The following ABCD2 variants were observed in gnomAD, a reference collection of about 807,000 sequenced individuals.
ABCD2 encodes ATP-binding cassette sub-family D member 2.
Under a neutral mutation model 70.9 loss-of-function variants are expected in ABCD2, and 36 were observed. The ratio of observed to expected loss-of-function variants is 0.51; its 90% CI spans 0.39 to 0.67. ABCD2 has a LOEUF of 0.67. Among genes scored for constraint, ABCD2 ranks in the 30% least tolerant of loss-of-function variants. ABCD2 has a pLI of 0.00. For synonymous variants in ABCD2, 304 were observed against 306.9 expected (o/e 0.99, Z 0.10); for missense variants, 729 against 890.2 (o/e 0.82, Z 2.30).
At chr12:39,570,302 A>G (rs567270626) in intron 9 of ABCD2, among the ~76,000 whole-genome samples, 1 of 152,366 alleles carries the variant, frequency 6.6e-6, no homozygotes, top group Admixed American at 6.5e-5. Context: ...TAAAGTACAA[A>G]GCTGGAGCCA....
rs1179134444 is a variant in ABCD2 at position 39,600,678 on chromosome 12, A to G, written c.1539T>C (p.Asn513=). ...TGAAGAGAGAACTTTTCCCACAACC[A>G]TTGGGACCAGTTATCAAAAGATGCA... ...EGMHLLITGP[N]GCGKSSLFRI... is the part of the protein sequence containing the mutation. The change falls in exon 6 of 10, where the codon AAT becomes AAC. Residue 513 remains asparagine (N), a synonymous_variant. Transcript: ENST00000308666. 1.2e-5 allele frequency: 20 copies of G among 1,612,054 alleles called. No homozygotes were observed. Among genetic ancestry groups the G allele is most frequent in the Non-Finnish European group, 1.6e-5 (19 of 1,179,056 alleles).
At chr12:39,557,251 C>A (rs11543371) in intron 9 of ABCD2, among the ~76,000 whole-genome samples, 1 of 152,060 alleles carries the variant, frequency 6.6e-6, no homozygotes, top group African/African-American at 2.4e-5. Flanking sequence ...AGACTGGTGG[C>A]ATTTTGCCCC....
At chr12:39,576,152 T>G (rs1390772260) in intron 8 of ABCD2, among the ~76,000 whole-genome samples, 2 of 151,878 alleles carry the variant, frequency 1.3e-5, no homozygotes, top group African/African-American at 2.4e-5. Flanking sequence ...CTGTAAAGTT[T>G]TTGTTGTTGT....
the ABCD2 span, among the ~76,000 whole-genome samples, chr12:39,540,251 A>G: frequency 6.6e-6 from 1 of 152,200 alleles, no homozygotes. Context: ...TAATTCATTC[A>G]TTCTGAGGAC....
chr12:39,586,087 T>C (rs769313486), intron 7 of ABCD2, 65 bp downstream of exon 7: 1 of 1,449,344 alleles, frequency 6.9e-7, no homozygotes, highest in Non-Finnish European at 9.4e-7. Context: ...ACAGACTAAA[T>C]ATATACCCAA....
chr12:39,607,660 G>T lies in ABCD2; in HGVS notation c.1175C>A (p.Ala392Asp). The T allele has an allele frequency of 6.2e-7, 1 of 1,613,242 alleles. No individual in the cohort carries two copies. Among genetic ancestry groups the T allele is most frequent in the Non-Finnish European group, 8.5e-7 (1 of 1,179,812 alleles). Reference sequence around the variant, plus strand: ...AGCTCCAGAGGCCAGTAAATTTCGAGCAGTGGTAAAGGCTTCTGTCCGTTC... The same window carrying T: ...AGCTCCAGAGGCCAGTAAATTTCGATCAGTGGTAAAGGCTTCTGTCCGTTC... The part of the protein sequence containing the change: ...VSERTEAFTT[A>D]RNLLASGADA... Residue 392 changes from alanine (A) to aspartate (D), a missense_variant, in exon 3 of 10, where the codon GCT becomes GAT. Physicochemically the swap from Ala to Asp is moderately radical, Grantham distance 126. Transcript: ENST00000308666.
At chr12:39,589,577 C>T (rs1352388198) in intron 6 of ABCD2, among the ~76,000 whole-genome samples, 1 of 151,724 alleles carries the variant, frequency 6.6e-6, no homozygotes, top group African/African-American at 2.4e-5. Flanking sequence ...TTAGTAGAGA[C>T]GGGGTTTTAC....
the ABCD2 span, among the ~76,000 whole-genome samples, chr12:39,538,167 C>CTTTTTTTT: frequency 7.0e-6 from 1 of 142,822 alleles, no homozygotes; most frequent in African/African-American, 2.7e-5. Context: ...CATTTTCTTT[C>CTTTTTTTT]TTTCTTTTTT....
chr12:39,601,166 C>T (rs886321300), intron 5 of ABCD2, among the ~76,000 whole-genome samples: 1 of 152,130 alleles, frequency 6.6e-6, no homozygotes, highest in South Asian at 2.1e-4. Flanking sequence ...AAGGAGTCAG[C>T]TGGGCTGTTT....
intron 5 of ABCD2, 115 bp from the exon 6 acceptor site, chr12:39,600,831 C>A: frequency 2.2e-6 from 2 of 910,296 alleles, no homozygotes; most frequent in South Asian, 3.8e-5. Flanking sequence ...CTAGGTTGGG[C>A]AAAAGATCAA....
chr12:39,569,248 G>A (rs1941409041), intron 9 of ABCD2, among the ~76,000 whole-genome samples: 1 of 152,194 alleles, frequency 6.6e-6, no homozygotes, highest in African/African-American at 2.4e-5. Flanking sequence ...ATCCAAGCAG[G>A]CCTCCTTGAG....
At chr12:39,562,929 A>G (rs1253288117) in intron 9 of ABCD2, among the ~76,000 whole-genome samples, 1 of 152,198 alleles carries the variant, frequency 6.6e-6, no homozygotes, top group Non-Finnish European at 1.5e-5. Context: ...ATACCAGCAA[A>G]CTGAATTCAA....
chr12:39,554,085 G>T lies in ABCD2; in HGVS notation c.2050C>A (p.Arg684Ser), dbSNP rs748340230. ...ATAGCAGTATCCAATTGTTCAAAGC[G>T]CCAACCTCCTTCACCATCAAACTGT... ...LLQFDGEGGWRFEQLDTAIRL... is the reference protein window; with the variant it reads ...LLQFDGEGGWSFEQLDTAIRL... The change falls in exon 10 of 10, where the codon CGC (arginine) becomes AGC (serine). Residue 684 changes from arginine (R) to serine (S), a missense_variant. By Grantham distance (110) the Arg-to-Ser change is moderately radical. Transcript: ENST00000308666. The T allele has an allele frequency of 6.2e-7, 1 of 1,613,482 alleles. No individual in the cohort carries two copies. Among genetic ancestry groups the T allele is most frequent in the African/African-American group, 1.3e-5 (1 of 74,982 alleles).
intron 6 of ABCD2, among the ~76,000 whole-genome samples, chr12:39,598,165 T>G (rs1941845148): frequency 1.3e-5 from 2 of 152,228 alleles, no homozygotes; most frequent in African/African-American, 4.8e-5. Flanking sequence ...TACTCTATTT[T>G]TCTCCCATGC....
chr12:39,567,035 A>G (rs554531778), intron 9 of ABCD2, among the ~76,000 whole-genome samples: 64 of 152,258 alleles, frequency 4.2e-4, no homozygotes, highest in African/African-American at 1.5e-3. Context: ...TTTGATGAGG[A>G]GTGCTTTACT....
chr12:39,553,004 G>A lies in ABCD2; in HGVS notation c.*908C>T, dbSNP rs1941110081. On this transcript the variant is annotated 3_prime_UTR_variant, in exon 10 of 10. Transcript: ENST00000308666. ...CATTAAGGTGAAATGATGTAAATGG[G>A]GATTGTAAATTATAAAGTACTATTC... 2 of 151,796 alleles carry A rather than the reference G, an allele frequency of 1.3e-5. No homozygotes were observed. Among genetic ancestry groups the A allele is most frequent in the South Asian group, 4.2e-4 (2 of 4,818 alleles). 9.4% of individuals were successfully genotyped at this position (151,796 alleles called of 1,614,324 possible). A position where few individuals can be genotyped will look rare whatever the true frequency, so the allele number is the denominator to read the frequency against.
intron 6 of ABCD2, among the ~76,000 whole-genome samples, chr12:39,591,464 T>C (rs149496290): frequency 2.4e-3 from 362 of 152,182 alleles, no homozygotes; most frequent in Admixed American, 5.5e-3. Flanking sequence ...GTAATCCCCG[T>C]AATTTGGGAG....
chr12:39,544,491 G>A, the ABCD2 span, among the ~76,000 whole-genome samples: 1 of 152,168 alleles, frequency 6.6e-6, no homozygotes, highest in Admixed American at 6.5e-5. Flanking sequence ...TGTGTAAAGT[G>A]TAAACTATAA....
At chr12:39,600,850 A>C in intron 5 of ABCD2, 134 bp from the exon 6 acceptor site, 2 of 755,356 alleles carry the variant, frequency 2.6e-6, no homozygotes. Flanking sequence ...AAGGAAAAAT[A>C]TTTCAGGGTT....
Sources: allele counts gnomAD v4.1 joint callset (sites outside exome capture counted in the v4.1 genomes callset), GRCh38; gene constraint gnomAD v4.1.1; transcripts MANE v1.5; gene names NCBI Gene and HGNC (gene_info 2026-07-23, HGNC 2026-07-21).